The following CNTN4 variants were observed in gnomAD, a reference collection of about 807,000 sequenced individuals.
The protein encoded by CNTN4 is contactin 4, also known as contactin-4.
Under a neutral mutation model 122.5 loss-of-function variants are expected in CNTN4, and 77 were observed. The ratio of observed to expected loss-of-function variants is 0.63; its 90% confidence interval spans 0.52 to 0.76. The LOEUF (loss-of-function observed/expected upper bound fraction) is 0.76, where lower values mean the gene tolerates loss of function less well. CNTN4 is among the 30% of genes least tolerant of loss of function. The pLI is 0.00. For synonymous variants in CNTN4, 512 were observed against 447.0 expected, an observed-to-expected ratio of 1.15 and a Z score of -1.83; for missense variants, 1,256 against 1,259.1, an observed-to-expected ratio of 1.00 and a Z score of 0.04.
chr3:2,988,586 T>C (rs1694791991), intron 14 of CNTN4, 114 bp downstream of exon 14: 1 of 1,090,376 alleles, frequency 9.2e-7, no homozygotes, highest in Non-Finnish European at 1.4e-6. Flanking sequence ...ACTGTATTGC[T>C]AAATTAATTC....
At chr3:2,238,329 A>G (rs757457465) in intron 2 of CNTN4, among the ~76,000 whole-genome samples, 8 of 152,106 alleles carry the variant, frequency 5.3e-5, no homozygotes, top group African/African-American at 9.7e-5. Flanking sequence ...TAAACAATAT[A>G]TAATGCAACA....
intron 7 of CNTN4, among the ~76,000 whole-genome samples, chr3:2,823,794 T>C (rs558401030): frequency 6.6e-6 from 1 of 152,158 alleles, no homozygotes; most frequent in Non-Finnish European, 1.5e-5. Flanking sequence ...AAACTGTTCA[T>C]CAAGAGAGGT....
At chr3:2,253,997 A>G (rs2040476071) in intron 2 of CNTN4, among the ~76,000 whole-genome samples, 1 of 152,122 alleles carries the variant, frequency 6.6e-6, no homozygotes, top group Admixed American at 6.6e-5. Flanking sequence ...CCATCAACCC[A>G]TAATCTACAT....
intron 14 of CNTN4, among the ~76,000 whole-genome samples, chr3:3,002,961 C>T (rs145477087): frequency 2.6e-5 from 4 of 152,270 alleles, no homozygotes; most frequent in Non-Finnish European, 5.9e-5. Context: ...AATGGTCATG[C>T]GATGAGGACC....
chr3:2,571,649 TA>T, intron 4 of CNTN4, 91 bp downstream of exon 4: 1 of 910,348 alleles, frequency 1.1e-6, no homozygotes, highest in Non-Finnish European at 1.8e-6. Flanking sequence ...ACGGCAATGA[TA>T]AAATCGCAAG....
At chr3:2,422,977 C>T (rs1397356022) in intron 3 of CNTN4, among the ~76,000 whole-genome samples, 2 of 152,202 alleles carry the variant, frequency 1.3e-5, no homozygotes, top group Non-Finnish European at 2.9e-5. Flanking sequence ...ACTGAAAAAG[C>T]AGCATTGGCT....
chr3:2,570,218 G>A (rs2079361086), intron 3 of CNTN4, among the ~76,000 whole-genome samples: 2 of 152,096 alleles, frequency 1.3e-5, no homozygotes, highest in South Asian at 4.2e-4. Context: ...CTGTTGCCCA[G>A]GCTGGAATGC....
At chr3:2,901,714 T>C (rs2094175710) in intron 11 of CNTN4, among the ~76,000 whole-genome samples, 1 of 152,208 alleles carries the variant, frequency 6.6e-6, no homozygotes, top group South Asian at 2.1e-4. Flanking sequence ...TAAGGCTTTG[T>C]TCAGGTGCTT....
chr3:2,101,117 T>G (rs1175656494), intron 2 of CNTN4, among the ~76,000 whole-genome samples: 2 of 152,230 alleles, frequency 1.3e-5, no homozygotes, highest in East Asian at 3.8e-4. Context: ...GGCAGGTAAT[T>G]AAGAGTGATT....
rs1192471029 is a variant in CNTN4 at position 2,385,557 on chromosome 3, G to T, written c.-89+46324G>T. Among the ~76,000 whole-genome samples the T allele has an allele frequency of 6.6e-6, 1 of 152,082 alleles. No individual in the cohort carries two copies. The highest frequency in any genetic ancestry group is 6.6e-5 in the Admixed American group (1 of 15,250). The stretch of plus-strand genomic sequence containing the variant: ...AGAGGCCAGAAGTCCAAAATCAGGT[G>T]TTGGTAGGGCTGTGCTCCGTCTGTA... On this transcript the variant is annotated intron_variant, in intron 3 of 24. Transcript: ENST00000418658. The surrounding 1 kb of genome is among the most constrained non-coding windows in gnomAD (Gnocchi z 4.0).
At chr3:2,195,258 C>A (rs576592948) in intron 2 of CNTN4, among the ~76,000 whole-genome samples, 1 of 152,184 alleles carries the variant, frequency 6.6e-6, no homozygotes, top group Non-Finnish European at 1.5e-5. Flanking sequence ...GGATTTCATT[C>A]TTTTTCATGT....
chr3:2,820,961 C>CTTTTT lies in CNTN4; in HGVS notation c.454+1394_454+1398dup, dbSNP rs67731967. Among the ~76,000 whole-genome samples, 43 of 107,546 alleles carry CTTTTT rather than the reference C, an allele frequency of 4.0e-4. 3 individuals carry two copies. The highest frequency in any genetic ancestry group is 0.013 in the Middle Eastern group (2 of 154). The allele number at this position is 107,546 out of a possible 152,430, so 70.6% of individuals were successfully genotyped here. A position where few individuals can be genotyped will look rare whatever the true frequency, so the allele number is the denominator to read the frequency against. Reference sequence around the variant, plus strand: ...TTCTCACATGCAACATTTTCTCTTTCTTTTTTTTTTTTTTTTTTGAGACAG... The same window carrying CTTTTT: ...TTCTCACATGCAACATTTTCTCTTTCTTTTTTTTTTTTTTTTTTTTTTTGAGACAG... On this transcript the variant is annotated intron_variant, in intron 7 of 24. Transcript: ENST00000418658.
intron 1 of CNTN4, among the ~76,000 whole-genome samples, chr3:2,100,116 G>A (rs564098773): frequency 3.9e-5 from 6 of 152,324 alleles, no homozygotes; most frequent in Non-Finnish European, 8.8e-5. Flanking sequence ...GTGTGACTGA[G>A]CACCCTGGGT....
At chr3:2,153,995 T>C (rs1174145162) in intron 2 of CNTN4, among the ~76,000 whole-genome samples, 2 of 152,214 alleles carry the variant, frequency 1.3e-5, no homozygotes, top group African/African-American at 2.4e-5. Context: ...CCTTATCTTA[T>C]ATAAATCATA....
intron 2 of CNTN4, among the ~76,000 whole-genome samples, chr3:2,223,029 A>G (rs1233976521): frequency 2.0e-5 from 3 of 152,098 alleles, no homozygotes; most frequent in African/African-American, 7.2e-5. Flanking sequence ...TTTATGCCCC[A>G]TTTTGCATTC....
At chr3:2,700,289 A>G (rs1424184639) in intron 4 of CNTN4, among the ~76,000 whole-genome samples, 1 of 152,232 alleles carries the variant, frequency 6.6e-6, no homozygotes, top group Non-Finnish European at 1.5e-5. Context: ...TAAAACTGTG[A>G]TCCAGAAGTT....
At chr3:2,544,183 A>G (rs926495784) in intron 3 of CNTN4, among the ~76,000 whole-genome samples, 1 of 152,160 alleles carries the variant, frequency 6.6e-6, no homozygotes, top group Non-Finnish European at 1.5e-5. Context: ...TGATTGTCCC[A>G]TGACAGCGAG....
At chr3:2,798,976 C>G (rs183178307) in intron 6 of CNTN4, among the ~76,000 whole-genome samples, 1 of 152,260 alleles carries the variant, frequency 6.6e-6, no homozygotes, top group Non-Finnish European at 1.5e-5. Flanking sequence ...TAGATGTTCC[C>G]TTTTCTCTGC....
chr3:2,952,404 G>T (rs1449287307), intron 13 of CNTN4, among the ~76,000 whole-genome samples: 1 of 152,128 alleles, frequency 6.6e-6, no homozygotes, highest in Non-Finnish European at 1.5e-5. Context: ...TACTTAAAAT[G>T]GACTTAATAA....
Sources: allele counts gnomAD v4.1 joint callset (sites outside exome capture counted in the v4.1 genomes callset), GRCh38; gene constraint gnomAD v4.1.1; non-coding constraint Gnocchi (gnomAD v3.1); transcripts MANE v1.5; gene names NCBI Gene and HGNC (gene_info 2026-07-23, HGNC 2026-07-21).